Variants in CCDC148 observed in about 807,000 individuals in gnomAD.
CCDC148 encodes coiled-coil domain-containing protein 148.
Under a neutral mutation model 85.7 loss-of-function variants are expected in CCDC148, and 89 were observed. The observed-to-expected ratio is 1.04, with a 90% CI of 0.87 to 1.24. The LOEUF is 1.24. Ranked by LOEUF, CCDC148 falls within the 50% of genes most tolerant of loss-of-function variation. CCDC148 has a pLI of 0.00. For missense variants in CCDC148, 692 were observed against 671.7 expected (o/e 1.03, Z -0.33); for synonymous variants, 230 against 213.9 (o/e 1.08, Z -0.66).
chr2:158,391,648 G>A lies in CCDC148; in HGVS notation c.26-33078C>T, dbSNP rs1207877561. 2.0e-5 allele frequency among the ~76,000 whole-genome samples: 3 copies of A among 152,126 alleles called. No individual in the cohort carries two copies. In the East Asian group the frequency reaches 5.8e-4, roughly 29 times the overall value. ...TCCAAGGATAAGTAATTCTTAAATA[G>A]TAAAACAATTGAGGCCTAAGGTGAA... On this transcript the variant is annotated intron_variant, in intron 1 of 13. Coordinates refer to ENST00000283233, the MANE Select transcript of CCDC148 (RefSeq NM_138803.4).
intron 10 of CCDC148, among the ~76,000 whole-genome samples, chr2:158,228,727 A>G (rs1687690257): frequency 6.9e-6 from 1 of 145,386 alleles, no homozygotes; most frequent in Non-Finnish European, 1.5e-5. Flanking sequence ...CAAACACCAC[A>G]TGTTCTCACT....
At chr2:158,302,651 G>C (rs957307016) in intron 9 of CCDC148, among the ~76,000 whole-genome samples, 4 of 152,024 alleles carry the variant, frequency 2.6e-5, no homozygotes, top group African/African-American at 4.8e-5. Flanking sequence ...GGGTGTGGTG[G>C]CACATGCCTG....
At chr2:158,205,046 C>A (rs1329096763) in intron 11 of CCDC148, among the ~76,000 whole-genome samples, 2 of 152,072 alleles carry the variant, frequency 1.3e-5, no homozygotes, top group Non-Finnish European at 2.9e-5. Flanking sequence ...GAACTTTACC[C>A]AAAGTGTGAA....
At chr2:158,299,532 T>A (rs1004426688) in intron 9 of CCDC148, among the ~76,000 whole-genome samples, 2 of 152,140 alleles carry the variant, frequency 1.3e-5, no homozygotes, top group African/African-American at 4.8e-5. Flanking sequence ...CAAGAAGAAA[T>A]CCAGGGTGAA....
At position 158,171,306 on chromosome 2, in the gene CCDC148, C is replaced by T. The variant is rs1684315777; in HGVS notation, c.*807G>A. On this transcript the variant is annotated 3_prime_UTR_variant, in exon 14 of 14. Coordinates refer to ENST00000283233, the MANE Select transcript of CCDC148 (RefSeq NM_138803.4). ...TCTTAACTGTAACAATGGCAACTTT[C>T]AACAACACTAACTTGTTATTCTGCT... 1 of 151,732 alleles carries T rather than the reference C, an allele frequency of 6.6e-6. No homozygotes were observed. Among genetic ancestry groups the T allele is most frequent in the South Asian group, 2.1e-4 (1 of 4,816 alleles). 9.4% of individuals were successfully genotyped at this position (151,732 alleles called of 1,614,324 possible).
chr2:158,425,060 A>G, intron 1 of CCDC148: 1 of 454,094 alleles, frequency 2.2e-6, no homozygotes, highest in Non-Finnish European at 4.4e-6. Context: ...GGGGGTCGTG[A>G]CCAAGGTCAA....
At chr2:158,356,485 C>T (rs1409044500) in intron 2 of CCDC148, among the ~76,000 whole-genome samples, 202 of 151,974 alleles carry the variant, frequency 1.3e-3, no homozygotes, top group Non-Finnish European at 4.7e-4. Flanking sequence ...AAAAAATGCT[C>T]ATCATCACTG....
intron 1 of CCDC148, among the ~76,000 whole-genome samples, chr2:158,392,146 A>T (rs1685336837): frequency 6.6e-6 from 1 of 152,136 alleles, no homozygotes; most frequent in Non-Finnish European, 1.5e-5. Flanking sequence ...GTTTGAGATT[A>T]TAACACTCCC....
chr2:158,307,053 A>G (rs1691727679), intron 9 of CCDC148, among the ~76,000 whole-genome samples: 1 of 151,768 alleles, frequency 6.6e-6, no homozygotes, highest in African/African-American at 2.4e-5. Flanking sequence ...TACTATATAT[A>G]ACATATCTCA....
chr2:158,322,464 T>C (rs1015935096), intron 7 of CCDC148, among the ~76,000 whole-genome samples: 1 of 152,050 alleles, frequency 6.6e-6, no homozygotes, highest in African/African-American at 2.4e-5. Context: ...TTTTTTTCAT[T>C]TTTATAAACA....
At chr2:158,413,983 A>G (rs1686380847) in intron 1 of CCDC148, among the ~76,000 whole-genome samples, 1 of 152,232 alleles carries the variant, frequency 6.6e-6, no homozygotes, top group African/African-American at 2.4e-5. Flanking sequence ...ACAGACTGAG[A>G]TAAATCAAGG....
In CCDC148 at chr2:158,340,383, T is replaced by C. The variant is rs138556851; in HGVS notation, c.345A>G (p.Leu115=). 25 of 1,613,794 alleles carry C rather than the reference T, an allele frequency of 1.5e-5. No individual in the cohort carries two copies. In the African/African-American group the frequency reaches 2.7e-4, roughly 17 times the overall value. The change falls in exon 5 of 14, where the codon CTA becomes CTG. Residue 115 remains leucine, a synonymous_variant. Coordinates refer to ENST00000283233, the MANE Select transcript of CCDC148 (RefSeq NM_138803.4). ...TAAGATATGTGCACTGTTGTTCTGA[T>C]AGCTCTTGCTCTATGGTGAAACAAA... The part of the protein sequence containing the change: ...LCDLTNFEQE[L]SEQQCTYLKN...
At chr2:158,440,925 A>C (rs980395729) in intron 1 of CCDC148, among the ~76,000 whole-genome samples, 1 of 152,170 alleles carries the variant, frequency 6.6e-6, no homozygotes. Context: ...GCACACCTGT[A>C]AGTAGCAGCT....
chr2:158,324,457 T>C (rs1036525556), intron 7 of CCDC148, among the ~76,000 whole-genome samples: 17 of 152,268 alleles, frequency 1.1e-4, no homozygotes, highest in African/African-American at 3.8e-4. Context: ...TATATCATAC[T>C]TGATGAAGCT....
intron 1 of CCDC148, among the ~76,000 whole-genome samples, chr2:158,407,916 G>A (rs946746412): frequency 1.1e-4 from 16 of 152,084 alleles, no homozygotes; most frequent in African/African-American, 3.4e-4. Context: ...CTTACTCTAA[G>A]TAACTGATAA....
chr2:158,203,400 C>T (rs1199912820), intron 11 of CCDC148, among the ~76,000 whole-genome samples: 2 of 152,148 alleles, frequency 1.3e-5, no homozygotes, highest in Admixed American at 6.6e-5. Context: ...TCCTGAACCA[C>T]GATGTTTGGG....
intron 9 of CCDC148, among the ~76,000 whole-genome samples, chr2:158,274,173 C>T (rs1689820771): frequency 6.6e-6 from 1 of 152,158 alleles, no homozygotes; most frequent in African/African-American, 2.4e-5. Context: ...GGCTATTCAA[C>T]ATGTAGTTTG....
chr2:158,270,948 T>C (rs1163396104), intron 9 of CCDC148, among the ~76,000 whole-genome samples: 1 of 152,154 alleles, frequency 6.6e-6, no homozygotes, highest in Non-Finnish European at 1.5e-5. Context: ...CATAGATAAA[T>C]GCTGGAAAAT....
At chr2:158,279,884 G>A (rs530087020) in intron 9 of CCDC148, among the ~76,000 whole-genome samples, 58 of 151,222 alleles carry the variant, frequency 3.8e-4, no homozygotes, top group Middle Eastern at 6.8e-3. Flanking sequence ...GAGAAAGGTC[G>A]GGTTACCGAC....
Sources: gnomAD v4.1 joint callset for allele counts (sites outside exome capture counted in the v4.1 genomes callset) on GRCh38, gnomAD v4.1.1 for gene constraint, MANE v1.5 for transcripts, NCBI Gene and HGNC (gene_info 2026-07-23, HGNC 2026-07-21) for gene names.